SLC44A3: variants seen among roughly 807,000 people sequenced by gnomAD.
SLC44A3 encodes the protein solute carrier family 44 member 3, also known as choline transporter-like protein 3.
A neutral mutation model predicts 75.4 loss-of-function variants in SLC44A3; 74 were observed. That is an observed-to-expected ratio of 0.98 (90% CI 0.81 to 1.19). SLC44A3 has a LOEUF of 1.19. SLC44A3 is among the 50% of genes most tolerant of loss of function. The pLI is 0.00. For missense variants in SLC44A3, 700 were observed against 778.6 expected, an observed-to-expected ratio of 0.90 and a Z score of 1.20; for synonymous variants, 310 against 296.9, an observed-to-expected ratio of 1.04 and a Z score of -0.45.
At chr1:94,858,263 A>G (rs977834484) in intron 10 of SLC44A3, among the ~76,000 whole-genome samples, 2 of 152,274 alleles carry the variant, frequency 1.3e-5, no homozygotes, top group South Asian at 2.1e-4. Context: ...ATCAGATAAC[A>G]TTTGCTTGGG....
At chr1:94,879,838 C>CAAA (rs763642670) in intron 12 of SLC44A3, among the ~76,000 whole-genome samples, 1 of 60,838 alleles carries the variant, frequency 1.6e-5, no homozygotes, top group Non-Finnish European at 3.6e-5. Flanking sequence ...GATTCTGTCT[C>CAAA]AAAAAAAAAA....
At chr1:94,841,865 G>T (rs895158053) in intron 7 of SLC44A3, 135 bp from the exon 8 acceptor site, 1 of 1,216,306 alleles carries the variant, frequency 8.2e-7, no homozygotes. Context: ...TAGGGTCCGG[G>T]TATTTGGGAC....
At chr1:94,846,677 CTGTT>C (rs1228020242) in intron 9 of SLC44A3, among the ~76,000 whole-genome samples, 2 of 152,240 alleles carry the variant, frequency 1.3e-5, no homozygotes, top group Non-Finnish European at 2.9e-5. Context: ...TCTAACTCCT[CTGTT>C]TGATTTTCTT....
rs1427923949 is a variant in SLC44A3 at position 94,853,719 on chromosome 1, G to C, written c.1073-3616G>C. On this transcript the variant is annotated intron_variant, in intron 9 of 14. Transcript: ENST00000271227. The stretch of plus-strand genomic sequence containing the variant: ...CAGTGAAACAGGAGGTAAGATCATG[G>C]GCTGAGAGTGAGGATGGGAAGGAAG... Among the ~76,000 whole-genome samples, 6 of 152,172 alleles carry C rather than the reference G, an allele frequency of 3.9e-5. No individual in the cohort carries two copies. In the South Asian group the frequency reaches 1.2e-3, roughly 32 times the overall value.
rs554883438 is a variant in SLC44A3, at chr1:94,823,696, T to C, written c.136-797T>C. Among the ~76,000 whole-genome samples the C allele has an allele frequency of 3.6e-4, 55 of 152,334 alleles. 3 individuals carry two copies. The South Asian group carries it at 8.9e-3, about 25-fold the overall frequency. On this transcript the variant is annotated intron_variant, in intron 2 of 14. Transcript: ENST00000271227. Reference sequence around the variant, plus strand: ...ATCAATACTATATATTAATGAATAGTGTATTATATCTGTTCTCCTGGAATG... The same window carrying C: ...ATCAATACTATATATTAATGAATAGCGTATTATATCTGTTCTCCTGGAATG...
At chr1:94,876,072 A>G (rs1012346627) in intron 12 of SLC44A3, among the ~76,000 whole-genome samples, 3 of 152,124 alleles carry the variant, frequency 2.0e-5, no homozygotes, top group African/African-American at 7.2e-5. Flanking sequence ...CCTCCCACCC[A>G]CAGGTTATTG....
intron 8 of SLC44A3, 147 bp from the exon 9 acceptor site, chr1:94,845,131 T>A (rs555276641): frequency 1.3e-6 from 1 of 787,530 alleles, no homozygotes; most frequent in East Asian, 2.7e-5. Flanking sequence ...TGTTTGCGAA[T>A]GCATCTGTAA....
chr1:94,863,995 G>A (rs972244871), intron 10 of SLC44A3, among the ~76,000 whole-genome samples: 71 of 152,316 alleles, frequency 4.7e-4, no homozygotes, highest in Non-Finnish European at 1.5e-4. Flanking sequence ...TGGCTTCAGC[G>A]GGAATTCAAA....
At chr1:94,881,559 C>T (rs1056583003) in intron 12 of SLC44A3, among the ~76,000 whole-genome samples, 3 of 143,914 alleles carry the variant, frequency 2.1e-5, no homozygotes, top group African/African-American at 5.2e-5. Context: ...AAAAAATTAG[C>T]CAGGCATGGT....
chr1:94,858,977 A>T (rs750509828), intron 10 of SLC44A3, among the ~76,000 whole-genome samples: 2 of 152,128 alleles, frequency 1.3e-5, no homozygotes, highest in Non-Finnish European at 2.9e-5. Flanking sequence ...AGGATGAGCC[A>T]CGACACCCGG....
At chr1:94,848,581 G>A (rs1664764150) in intron 9 of SLC44A3, among the ~76,000 whole-genome samples, 2 of 152,210 alleles carry the variant, frequency 1.3e-5, no homozygotes, top group Non-Finnish European at 2.9e-5. Context: ...AACTGTGTCT[G>A]TGGCTAGACC....
At chr1:94,828,404 T>G in intron 4 of SLC44A3, 89 bp from the exon 5 acceptor site, 1 of 1,079,496 alleles carries the variant, frequency 9.3e-7, no homozygotes, top group Admixed American at 2.0e-5. Context: ...TAGTTGATTC[T>G]TTCTCCTTTC....
intron 12 of SLC44A3, among the ~76,000 whole-genome samples, chr1:94,885,255 G>C (rs1571457615): frequency 6.9e-6 from 1 of 145,046 alleles, no homozygotes; most frequent in East Asian, 2.1e-4. Context: ...AGGCAGCAGG[G>C]AATAATACCA....
intron 9 of SLC44A3, among the ~76,000 whole-genome samples, chr1:94,854,077 A>G (rs1045164524): frequency 6.6e-6 from 1 of 152,180 alleles, no homozygotes; most frequent in African/African-American, 2.4e-5. Flanking sequence ...TATTATACTT[A>G]ACTCATAACA....
At chr1:94,850,472 G>T (rs780849296) in intron 9 of SLC44A3, among the ~76,000 whole-genome samples, 2 of 152,160 alleles carry the variant, frequency 1.3e-5, no homozygotes, top group African/African-American at 4.8e-5. Flanking sequence ...TGGACTTCCC[G>T]CGAGGTCTGT....
At chr1:94,864,514 T>A (rs1666933908) in intron 10 of SLC44A3, among the ~76,000 whole-genome samples, 1 of 152,206 alleles carries the variant, frequency 6.6e-6, no homozygotes, top group Non-Finnish European at 1.5e-5. Flanking sequence ...AACTCATCAA[T>A]TTTTTTAAAT....
chr1:94,878,531 T>A (rs1163765037), intron 12 of SLC44A3, among the ~76,000 whole-genome samples: 2 of 152,186 alleles, frequency 1.3e-5, no homozygotes, highest in African/African-American at 2.4e-5. Flanking sequence ...CTGCCCTTTC[T>A]TGTTGGACCT....
chr1:94,847,764 A>T (rs970372589), intron 9 of SLC44A3, among the ~76,000 whole-genome samples: 1 of 152,144 alleles, frequency 6.6e-6, no homozygotes, highest in Non-Finnish European at 1.5e-5. Flanking sequence ...GGGTATTGTT[A>T]TGTTCAAGTT....
intron 9 of SLC44A3, among the ~76,000 whole-genome samples, chr1:94,853,583 T>G (rs180818613): frequency 6.6e-6 from 1 of 152,238 alleles, no homozygotes; most frequent in Admixed American, 6.5e-5. Context: ...CATGGGCCAT[T>G]TATTAATATC....
Sources: allele counts gnomAD v4.1 joint callset (sites outside exome capture counted in the v4.1 genomes callset), GRCh38; gene constraint gnomAD v4.1.1; transcripts MANE v1.5; gene names NCBI Gene and HGNC (gene_info 2026-07-23, HGNC 2026-07-21).